The following RBM47 variants were observed in gnomAD, a reference collection of about 807,000 sequenced individuals.
RBM47 encodes RNA binding motif protein 47, also known as RNA-binding protein 47.
Under a neutral mutation model 47.1 loss-of-function variants are expected in RBM47, and 21 were observed. The observed-to-expected ratio is 0.45, with a 90% CI of 0.32 to 0.64. RBM47 has a LOEUF of 0.64. Ranked by LOEUF, RBM47 falls within the 30% of genes least tolerant of loss-of-function variation. The pLI is 0.05. For missense variants in RBM47, 708 were observed against 870.9 expected (o/e 0.81, Z 2.35); for synonymous variants, 375 against 361.7 (o/e 1.04, Z -0.42).
chr4:40,548,850 G>T (rs1043271963), intron 1 of RBM47, among the ~76,000 whole-genome samples: 1 of 151,762 alleles, frequency 6.6e-6, no homozygotes, highest in Non-Finnish European at 1.5e-5. Context: ...ATTTTTAGCC[G>T]AGACAGGGTT....
chr4:40,527,159 G>A (rs1043042807), intron 2 of RBM47, among the ~76,000 whole-genome samples: 6 of 152,094 alleles, frequency 3.9e-5, no homozygotes, highest in Admixed American at 6.6e-5. Flanking sequence ...CTCTTGCCCA[G>A]GCAGCCACCC....
intron 6 of RBM47, among the ~76,000 whole-genome samples, chr4:40,430,219 AACAAAC>A (rs951357793): frequency 7.1e-5 from 10 of 141,196 alleles, no homozygotes; most frequent in African/African-American, 2.8e-4. Context: ...CAAACAAACA[AACAAAC>A]AAACAAAAAA....
At chr4:40,581,417 T>C (rs1732911271) in intron 1 of RBM47, among the ~76,000 whole-genome samples, 1 of 100,016 alleles carries the variant, frequency 1.0e-5, no homozygotes, top group African/African-American at 3.6e-5. Context: ...CGAGAACTTG[T>C]CTCAAAAAAA....
At chr4:40,535,789 ACC>A (rs1464728512) in intron 2 of RBM47, among the ~76,000 whole-genome samples, 1 of 152,002 alleles carries the variant, frequency 6.6e-6, no homozygotes, top group Non-Finnish European at 1.5e-5. Flanking sequence ...TGAACTCCTG[ACC>A]TTATGATCCG....
chr4:40,511,050 G>C (rs963446005), intron 2 of RBM47, among the ~76,000 whole-genome samples: 1 of 152,122 alleles, frequency 6.6e-6, no homozygotes, highest in Admixed American at 6.6e-5. Context: ...TTATCACTGG[G>C]CTAACCTATA....
chr4:40,573,264 A>G (rs1366504226), intron 1 of RBM47, among the ~76,000 whole-genome samples: 1 of 151,886 alleles, frequency 6.6e-6, no homozygotes, highest in Non-Finnish European at 1.5e-5. Context: ...TGCATTTTTT[A>G]AAGACATTAA....
At chr4:40,521,014 T>C (rs1204040337) in intron 2 of RBM47, among the ~76,000 whole-genome samples, 2 of 152,188 alleles carry the variant, frequency 1.3e-5, no homozygotes, top group Non-Finnish European at 2.9e-5. Context: ...CTAAAACTTC[T>C]AGCCGTGTGA....
At chr4:40,518,359 A>T (rs969288042) in intron 2 of RBM47, among the ~76,000 whole-genome samples, 7 of 151,444 alleles carry the variant, frequency 4.6e-5, no homozygotes, top group Non-Finnish European at 8.8e-5. Context: ...CTATTTTTTT[A>T]GAGATGGGGT....
intron 2 of RBM47, among the ~76,000 whole-genome samples, chr4:40,500,761 A>G (rs1227864355): frequency 1.3e-5 from 2 of 152,238 alleles, no homozygotes; most frequent in Non-Finnish European, 2.9e-5. Flanking sequence ...AGGTAGTTTA[A>G]GTCATTTTAA....
intron 2 of RBM47, among the ~76,000 whole-genome samples, chr4:40,500,876 A>G (rs1462433382): frequency 6.6e-6 from 1 of 152,222 alleles, no homozygotes; most frequent in Non-Finnish European, 1.5e-5. Context: ...AATCTATCAC[A>G]GAAAACACTG....
intron 2 of RBM47, among the ~76,000 whole-genome samples, chr4:40,527,286 C>A (rs1163211202): frequency 6.8e-6 from 1 of 146,380 alleles, no homozygotes; most frequent in African/African-American, 2.7e-5. Flanking sequence ...CCACAACTGG[C>A]TAATTTTTTT....
At chr4:40,588,090 C>T (rs1253381422) in intron 1 of RBM47, among the ~76,000 whole-genome samples, 2 of 152,180 alleles carry the variant, frequency 1.3e-5, no homozygotes, top group East Asian at 3.8e-4. Context: ...CACAAAGCCA[C>T]GAGGTGTACT....
chr4:40,617,880 G>C (rs1192656662), intron 1 of RBM47, among the ~76,000 whole-genome samples: 1 of 151,226 alleles, frequency 6.6e-6, no homozygotes, highest in Non-Finnish European at 1.5e-5. Flanking sequence ...TAAAAGTAAA[G>C]ATCACATACT....
At chr4:40,606,032 T>C (rs1167480104) in intron 1 of RBM47, among the ~76,000 whole-genome samples, 4 of 146,126 alleles carry the variant, frequency 2.7e-5, no homozygotes, top group African/African-American at 1.0e-4. Flanking sequence ...AGCCTTTCTC[T>C]ACTTAAAAAA....
At chr4:40,548,207 C>T (rs887441323) in intron 1 of RBM47, among the ~76,000 whole-genome samples, 1 of 152,172 alleles carries the variant, frequency 6.6e-6, no homozygotes, top group African/African-American at 2.4e-5. Context: ...TAACAGTTTA[C>T]CCGGCAGACA....
In RBM47 at chr4:40,584,004, C is replaced by T. The variant is rs552884278; in HGVS notation, c.-239-39498G>A. Among the ~76,000 whole-genome samples, 294 of 152,028 alleles carry T rather than the reference C, an allele frequency of 1.9e-3. 1 individual carries two copies. Among genetic ancestry groups the T allele is most frequent in the African/African-American group, 6.7e-3 (279 of 41,476 alleles). ...TTTATTTTTTTGAGACAGGGTCTTG[C>T]TCTGTCACCCTGGCTGGAGTGCAGT... On this transcript the variant is annotated intron_variant, in intron 1 of 6. Transcript: ENST00000295971.
chr4:40,559,454 G>A (rs1730407794), intron 1 of RBM47, among the ~76,000 whole-genome samples: 2 of 152,126 alleles, frequency 1.3e-5, no homozygotes, highest in Non-Finnish European at 1.5e-5. Context: ...TCTCCCTCAA[G>A]CCCCAAAGTC....
chr4:40,616,080 C>T (rs1281639384), intron 1 of RBM47, among the ~76,000 whole-genome samples: 1 of 152,040 alleles, frequency 6.6e-6, no homozygotes, highest in Non-Finnish European at 1.5e-5. Context: ...TGGCTGGGTG[C>T]GGTGGCTCAC....
At chr4:40,613,763 C>A (rs982022515) in intron 1 of RBM47, among the ~76,000 whole-genome samples, 2 of 151,314 alleles carry the variant, frequency 1.3e-5, no homozygotes, top group African/African-American at 4.9e-5. Context: ...CAAGACCAGC[C>A]TGGACAACAT....
Sources: allele counts gnomAD v4.1 joint callset (sites outside exome capture counted in the v4.1 genomes callset), GRCh38; gene constraint gnomAD v4.1.1; transcripts MANE v1.5; gene names NCBI Gene and HGNC (gene_info 2026-07-23, HGNC 2026-07-21).